Variants in OGDH observed in about 807,000 individuals in gnomAD.
OGDH encodes the protein oxoglutarate dehydrogenase.
OGDH carries 38 observed loss-of-function variants against 116.6 expected under a neutral mutation model. The ratio of observed to expected loss-of-function variants is 0.33; its 90% CI spans 0.25 to 0.43. OGDH has a LOEUF of 0.43. OGDH is among the 20% of genes least tolerant of loss of function. OGDH has a pLI of 1.00. For missense variants in OGDH, 825 were observed against 1,357.2 expected, an observed-to-expected ratio of 0.61 and a Z score of 6.16; for synonymous variants, 488 against 533.3, an observed-to-expected ratio of 0.92 and a Z score of 1.17.
intron 2 of OGDH, among the ~76,000 whole-genome samples, chr7:44,631,074 T>C (rs181847896): frequency 6.6e-6 from 1 of 152,188 alleles, no homozygotes; most frequent in Admixed American, 6.5e-5. Flanking sequence ...TACTGGTCTG[T>C]GGCCCGGGGG....
In OGDH at chr7:44,697,415, C is replaced by T; in HGVS notation, c.2097C>T (p.Thr699=). The change falls in exon 16 of 23, where the codon ACC becomes ACT. Residue 699 remains threonine (T), a synonymous_variant. Transcript: ENST00000222673. The surrounding 1 kb of genome is among the most constrained non-coding windows in gnomAD (Gnocchi z 6.0). ...ATGACCAGAATGTGGACAAGAGAAC[C>T]TGCATCCCCATGAACCATCTCTGGC... ...VLHDQNVDKR[T]CIPMNHLWPN... is the part of the protein sequence containing the mutation. 1.2e-6 allele frequency: 2 copies of T among 1,614,232 alleles called. No individual in the cohort carries two copies. The highest frequency in any genetic ancestry group is 1.7e-6 in the Non-Finnish European group (2 of 1,180,040).
intron 5 of OGDH, among the ~76,000 whole-genome samples, chr7:44,669,145 C>CTTTTTTTTGTTTTTTTTTTTTTT (rs1787315235): frequency 1.3e-5 from 1 of 77,814 alleles, no homozygotes; most frequent in East Asian, 5.3e-4. Flanking sequence ...AGCCCGGCAG[C>CTTTTTTTTGTTTTTTTTTTTTTT]TTTTTTTTTT....
chr7:44,616,661 ACGTATATACGT>A (rs1784782652), intron 1 of OGDH, among the ~76,000 whole-genome samples: 1 of 147,974 alleles, frequency 6.8e-6, no homozygotes, highest in African/African-American at 2.5e-5. Flanking sequence ...ACATATATAT[ACGTATATACGT>A]ATATATACAC....
At chr7:44,646,268 C>G (rs1786177509) in intron 3 of OGDH, among the ~76,000 whole-genome samples, 1 of 152,234 alleles carries the variant, frequency 6.6e-6, no homozygotes, top group East Asian at 1.9e-4. Flanking sequence ...GCATCCAGGA[C>G]CCTGCCACCT....
intron 2 of OGDH, among the ~76,000 whole-genome samples, chr7:44,643,698 G>T (rs1448072301): frequency 6.6e-6 from 1 of 152,168 alleles, no homozygotes; most frequent in Non-Finnish European, 1.5e-5. Context: ...CTGGTCTCCA[G>T]ACTCAGACAG....
At chr7:44,621,575 G>A (rs1457629190) in intron 1 of OGDH, among the ~76,000 whole-genome samples, 4 of 152,046 alleles carry the variant, frequency 2.6e-5, no homozygotes, top group Non-Finnish European at 5.9e-5. Flanking sequence ...TCATCTTAAG[G>A]GAAGTTTAAA....
intron 4 of OGDH, among the ~76,000 whole-genome samples, chr7:44,666,024 T>G (rs1210313722): frequency 6.6e-6 from 1 of 152,190 alleles, no homozygotes; most frequent in Non-Finnish European, 1.5e-5. Context: ...CGCTGAGTGA[T>G]TGGAGTCAGG....
chr7:44,689,397 T>C (rs951195127), intron 10 of OGDH, among the ~76,000 whole-genome samples: 1 of 135,384 alleles, frequency 7.4e-6, no homozygotes, highest in Admixed American at 7.3e-5. Flanking sequence ...TTTTTCTTTT[T>C]TTTTTTTTTT....
chr7:44,610,562 A>G (rs756118196), intron 1 of OGDH, among the ~76,000 whole-genome samples: 22 of 151,820 alleles, frequency 1.4e-4, no homozygotes, highest in Middle Eastern at 3.4e-3. Context: ...TCAGCCTCCC[A>G]GAGTGCTGGG....
intron 2 of OGDH, among the ~76,000 whole-genome samples, chr7:44,634,519 T>C (rs1292750132): frequency 2.0e-5 from 3 of 152,246 alleles, no homozygotes; most frequent in African/African-American, 7.2e-5. Context: ...TGGAAGTTTA[T>C]TGATGTTTTA....
chr7:44,690,710 AC>A (rs1159921547), intron 10 of OGDH, among the ~76,000 whole-genome samples: 8 of 152,328 alleles, frequency 5.3e-5, no homozygotes, highest in Middle Eastern at 3.4e-3. Flanking sequence ...GCATGAAGGC[AC>A]AGAAGCTCAT....
chr7:44,641,055 A>G (rs1304579974), intron 2 of OGDH, among the ~76,000 whole-genome samples: 2 of 148,500 alleles, frequency 1.3e-5, no homozygotes, highest in African/African-American at 2.5e-5. Flanking sequence ...CACCACCCCC[A>G]GCTAATTTTT....
chr7:44,697,319 T>C lies in OGDH; in HGVS notation c.2052-51T>C. On this transcript the variant is annotated intron_variant, in intron 15 of 22. Coordinates refer to ENST00000222673, the MANE Select transcript of OGDH (RefSeq NM_002541.4). The surrounding 1 kb of genome is among the most constrained non-coding windows in gnomAD (Gnocchi z 6.0). ...TGCTTCGTGCGGGTCCCCAGCGTAT[T>C]TGCTTGTCAAGTCAGAGCTCCTAAT... The C allele has an allele frequency of 1.2e-6, 2 of 1,611,036 alleles. No individual in the cohort carries two copies. Among genetic ancestry groups the C allele is most frequent in the Non-Finnish European group, 8.5e-7 (1 of 1,177,802 alleles).
At chr7:44,622,634 A>T (rs1261134574) in intron 1 of OGDH, among the ~76,000 whole-genome samples, 1 of 152,108 alleles carries the variant, frequency 6.6e-6, no homozygotes, top group East Asian at 1.9e-4. Flanking sequence ...AATATAGAAG[A>T]TATTTTTATG....
chr7:44,611,072 A>AT (rs56803296), intron 1 of OGDH, among the ~76,000 whole-genome samples: 8,545 of 122,876 alleles, frequency 0.07, 514 homozygotes, highest in East Asian at 0.28. Context: ...ATTTTTCTAA[A>AT]TTTTTTTTTT....
chr7:44,660,502 T>C (rs926698297), intron 4 of OGDH, among the ~76,000 whole-genome samples: 19 of 152,196 alleles, frequency 1.2e-4, no homozygotes, highest in Admixed American at 3.9e-4. Context: ...GCACCCTATA[T>C]GATTTGAATT....
chr7:44,607,015 A>AC (rs1038194632), intron 1 of OGDH, among the ~76,000 whole-genome samples: 8 of 151,500 alleles, frequency 5.3e-5, no homozygotes, highest in East Asian at 2.0e-4. Flanking sequence ...CGCAGGGGTG[A>AC]CCCCCAAGGT....
At chr7:44,662,464 C>CTTTTTTTTTTTTTTT (rs199533460) in intron 4 of OGDH, among the ~76,000 whole-genome samples, 1 of 130,836 alleles carries the variant, frequency 7.6e-6, no homozygotes, top group Non-Finnish European at 1.6e-5. Flanking sequence ...CTTTTCTTTT[C>CTTTTTTTTTTTTTTT]TTTTTTTTTT....
Position 44,707,889 on chromosome 7 carries a change from C to A in OGDH, c.2962C>A (p.Arg988=). 6.2e-7 allele frequency: 1 copy of A among 1,613,102 alleles called. No individual in the cohort carries two copies. ...CCCTCCATCTCTCAGGTATGCCGGC[C>A]GGGACCCAGCGGCTGCTCCAGCCAC... is the stretch of plus-strand genomic sequence containing the variant. ...SRAKPVWYAG[R]DPAAAPATGN... is the part of the protein sequence containing the mutation. Residue 988 remains arginine, a synonymous_variant, in exon 23 of 23, where the codon CGG becomes AGG. Transcript: ENST00000222673. The surrounding 1 kb of genome is among the most constrained non-coding windows in gnomAD (Gnocchi z 5.2).
Sources: gnomAD v4.1 joint callset for allele counts (sites outside exome capture counted in the v4.1 genomes callset) on GRCh38, gnomAD v4.1.1 for gene constraint, Gnocchi (gnomAD v3.1) non-coding constraint, MANE v1.5 for transcripts, NCBI Gene and HGNC (gene_info 2026-07-23, HGNC 2026-07-21) for gene names.